Variants in TRIQK observed in about 807,000 individuals in gnomAD.
TRIQK encodes triple QxxK/R motif containing, also known as triple QxxK/R motif-containing protein.
Under a neutral mutation model 10.8 loss-of-function variants are expected in TRIQK, and 10 were observed. That is an observed-to-expected ratio of 0.92 (90% CI 0.57 to 1.57). The LOEUF (loss-of-function observed/expected upper bound fraction) is 1.57. Ranked by LOEUF, TRIQK falls within the 40% of genes most tolerant of loss-of-function variation. The probability of loss-of-function intolerance (pLI) is 0.00; values close to 1 mark genes in which losing one functional copy is unlikely to be tolerated. For missense variants in TRIQK, 107 were observed against 97.7 expected, an observed-to-expected ratio of 1.09 and a Z score of -0.40; for synonymous variants, 33 against 33.7, an observed-to-expected ratio of 0.98 and a Z score of 0.07.
In TRIQK at chr8:92,911,904, T is replaced by C. The variant is rs907775406; in HGVS notation, c.61+5025A>G. On this transcript the variant is annotated intron_variant, in intron 3 of 4. Coordinates refer to ENST00000521988, the MANE Select transcript of TRIQK (RefSeq NM_001171797.2). ...ATATATGTATATGTGTGTGTAGACA[T>C]ATATATATATATATATATGCACCCA... is the stretch of plus-strand genomic sequence containing the variant. Among the ~76,000 whole-genome samples, 9 of 144,502 alleles carry C rather than the reference T, an allele frequency of 6.2e-5. No individual in the cohort carries two copies. In the Admixed American group the frequency reaches 6.2e-4, roughly 10 times the overall value. The allele number at this position is 144,502 out of a possible 152,430, so 94.8% of individuals were successfully genotyped here.
intron 1 of TRIQK, among the ~76,000 whole-genome samples, chr8:93,015,482 T>A (rs1456840026): frequency 2.0e-5 from 3 of 151,368 alleles, no homozygotes. Flanking sequence ...TGCTTCTTTA[T>A]CTTATTTATT....
At chr8:93,006,953 C>T (rs910284892) in intron 1 of TRIQK, among the ~76,000 whole-genome samples, 1 of 152,198 alleles carries the variant, frequency 6.6e-6, no homozygotes, top group African/African-American at 2.4e-5. Context: ...TGGGCAGTTC[C>T]GACGAGTGGG....
intron 3 of TRIQK, among the ~76,000 whole-genome samples, chr8:92,896,762 TTTTGGAATGG>T (rs1808620522): frequency 6.6e-6 from 1 of 152,154 alleles, no homozygotes; most frequent in South Asian, 2.1e-4. Context: ...TAATTCTCCC[TTTTGGAATGG>T]GAATGTCTGT....
chr8:93,014,167 T>C (rs1235063555), intron 1 of TRIQK, among the ~76,000 whole-genome samples: 1 of 152,096 alleles, frequency 6.6e-6, no homozygotes, highest in Non-Finnish European at 1.5e-5. Flanking sequence ...ATAGGAAATA[T>C]ATGCAAATAA....
chr8:92,949,784 AAG>A (rs1249603395), intron 2 of TRIQK, among the ~76,000 whole-genome samples: 1 of 12,578 alleles, frequency 8.0e-5, no homozygotes, highest in East Asian at 3.1e-3. Flanking sequence ...AAGAAAGAAA[AAG>A]AAAGAAAGAA....
chr8:92,936,559 A>G (rs1439968493), intron 2 of TRIQK, among the ~76,000 whole-genome samples: 3 of 151,724 alleles, frequency 2.0e-5, no homozygotes, highest in Non-Finnish European at 4.4e-5. Context: ...AAACAAACAA[A>G]GCAAAGATTA....
rs772024882 is a variant in TRIQK, at chr8:92,886,582, C to T, written c.*40G>A. On this transcript the variant is annotated 3_prime_UTR_variant, in exon 5 of 5. Coordinates refer to ENST00000521988, the MANE Select transcript of TRIQK (RefSeq NM_001171797.2). ...AAGTTTTGGTCCCAAAAGGTGCTTT[C>T]GTAAAGTTATTTCTCTTTCATGCAT... is the stretch of plus-strand genomic sequence containing the variant. 375 of 1,324,996 alleles carry T rather than the reference C, an allele frequency of 2.8e-4. 2 individuals are homozygous for T. In the African/African-American group the frequency reaches 4.8e-3, roughly 17 times the overall value. The allele number at this position is 1,324,996 out of a possible 1,614,324, so 82.1% of individuals were successfully genotyped here.
intron 2 of TRIQK, among the ~76,000 whole-genome samples, chr8:92,933,281 T>C (rs892215217): frequency 1.3e-5 from 2 of 152,158 alleles, no homozygotes; most frequent in African/African-American, 4.8e-5. Flanking sequence ...TAATTTTTTG[T>C]ATAATATTTT....
chr8:92,987,796 A>T lies in TRIQK; in HGVS notation c.-181+29813T>A, dbSNP rs111581514. On this transcript the variant is annotated intron_variant, in intron 1 of 4. Coordinates refer to the TRIQK transcript ENST00000520686. ...AAATCTTGTTTTTGAAGAATATTTA[A>T]AAACATGGGGATAGTTTCTCAAGTA... 2.6e-3 allele frequency among the ~76,000 whole-genome samples: 399 copies of T among 152,176 alleles called. 1 individual carries two copies. The highest frequency in any genetic ancestry group is 3.7e-3 in the Non-Finnish European group (250 of 67,994).
intron 2 of TRIQK, chr8:92,922,275 T>A (rs1810231125): frequency 6.6e-6 from 1 of 151,828 alleles, no homozygotes; most frequent in African/African-American, 2.4e-5. Context: ...CATATAGCAA[T>A]CCTATTTGCA....
intron 2 of TRIQK, among the ~76,000 whole-genome samples, chr8:92,950,046 T>C (rs1811813889): frequency 6.6e-6 from 1 of 152,180 alleles, no homozygotes; most frequent in Admixed American, 6.5e-5. Context: ...CTGGTATTAT[T>C]TGATCTTTTA....
intron 2 of TRIQK, chr8:92,926,485 G>GT (rs1391613880): frequency 6.6e-6 from 1 of 151,816 alleles, no homozygotes; most frequent in Admixed American, 6.6e-5. Context: ...GATTTTTTTT[G>GT]TTATACTTTG....
intron 2 of TRIQK, among the ~76,000 whole-genome samples, chr8:92,939,126 G>A (rs1811143655): frequency 6.6e-6 from 1 of 152,154 alleles, no homozygotes; most frequent in Non-Finnish European, 1.5e-5. Flanking sequence ...TTTTTGTTGA[G>A]AGGAGAAAGA....
In TRIQK at chr8:92,892,000, T is replaced by C. The variant is rs902775354; in HGVS notation, c.136A>G (p.Ile46Val). ...KLKAEAKKTA[I>V]GIKEVGLVLA... The stretch of plus-strand genomic sequence containing the variant: ...AAATAGAGGTTTACCTTTATGCCTA[T>C]TGCTGTTTTCTTTGCTTCTGCTTTT... Residue 46 changes from isoleucine to valine, a missense_variant, in exon 4 of 5, where the codon ATA (isoleucine) becomes GTA (valine). Coordinates refer to ENST00000521988, the MANE Select transcript of TRIQK (RefSeq NM_001171797.2). The C allele has an allele frequency of 4.4e-5, 68 of 1,533,192 alleles. No individual in the cohort carries two copies. Among genetic ancestry groups the C allele is most frequent in the Non-Finnish European group, 5.6e-5 (64 of 1,144,258 alleles). The allele number at this position is 1,533,192 out of a possible 1,614,324, so 95.0% of individuals were successfully genotyped here. A position where few individuals can be genotyped will look rare whatever the true frequency, so the allele number is the denominator to read the frequency against.
intron 1 of TRIQK, among the ~76,000 whole-genome samples, chr8:93,015,234 T>A (rs1428476211): frequency 6.6e-6 from 1 of 151,938 alleles, no homozygotes. Flanking sequence ...GTACTTTACA[T>A]TATTTTAAAA....
intron 3 of TRIQK, among the ~76,000 whole-genome samples, chr8:92,893,091 T>C (rs1430102835): frequency 6.6e-6 from 1 of 152,002 alleles, no homozygotes; most frequent in African/African-American, 2.4e-5. Context: ...ATTCCCTTCA[T>C]CTAAATAATA....
chr8:92,927,293 T>C (rs1025047749), intron 2 of TRIQK, among the ~76,000 whole-genome samples: 10 of 152,040 alleles, frequency 6.6e-5, no homozygotes, highest in East Asian at 1.9e-4. Flanking sequence ...TAGGATACTA[T>C]AAAAAGTGGG....
At chr8:93,014,317 G>A (rs187583747) in intron 1 of TRIQK, among the ~76,000 whole-genome samples, 53 of 152,026 alleles carry the variant, frequency 3.5e-4, no homozygotes, top group African/African-American at 1.2e-3. Context: ...TAATAATGTA[G>A]AGTAATGATA....
At chr8:92,916,703 A>G (rs1415545908) in intron 3 of TRIQK, among the ~76,000 whole-genome samples, 2 of 152,002 alleles carry the variant, frequency 1.3e-5, no homozygotes, top group Non-Finnish European at 2.9e-5. Context: ...TTATTAAATT[A>G]ATTAAAATTA....
Sources: gnomAD v4.1 joint callset for allele counts (sites outside exome capture counted in the v4.1 genomes callset) on GRCh38, gnomAD v4.1.1 for gene constraint, MANE v1.5 for transcripts, NCBI Gene and HGNC (gene_info 2026-07-23, HGNC 2026-07-21) for gene names.